The following UCHL3 variants were observed in gnomAD, a reference collection of about 807,000 sequenced individuals.
UCHL3 encodes ubiquitin carboxyl-terminal hydrolase isozyme L3.
A neutral mutation model predicts 35.8 loss-of-function variants in UCHL3; 22 were observed. That is an observed-to-expected ratio of 0.61 (90% CI 0.44 to 0.88). The LOEUF (loss-of-function observed/expected upper bound fraction) is 0.88, where lower values mean the gene tolerates loss of function less well. Among genes scored for constraint, UCHL3 ranks in the 40% least tolerant of loss-of-function variants. The pLI is 0.00. For missense variants in UCHL3, 229 were observed against 276.9 expected (o/e 0.83, Z 1.23); for synonymous variants, 90 against 92.8 (o/e 0.97, Z 0.17).
rs1214010942 is a variant in UCHL3 at position 75,592,441 on chromosome 13, T to C, written c.475-2474T>C. 1.9e-3 allele frequency among the ~76,000 whole-genome samples: 202 copies of C among 106,696 alleles called. 1 individual carries two copies. The highest frequency in any genetic ancestry group is 4.2e-3 in the South Asian group (14 of 3,300). 70.0% of individuals were successfully genotyped at this position (106,696 alleles called of 152,430 possible). ...ATATATATATATATATATATATATA[T>C]ATATATATATATATATATATATATA... is the stretch of plus-strand genomic sequence containing the variant. On this transcript the variant is annotated intron_variant, in intron 6 of 8. Transcript: ENST00000377595.
intron 6 of UCHL3, among the ~76,000 whole-genome samples, chr13:75,581,140 G>A (rs1348600642): frequency 2.6e-5 from 4 of 151,814 alleles, no homozygotes; most frequent in Non-Finnish European, 1.5e-5. Context: ...TTAGAAAACA[G>A]TAATTATTTT....
Position 75,595,489 on chromosome 13 carries a change from T to C in UCHL3, c.550+499T>C, listed in dbSNP as rs997050828. On this transcript the variant is annotated intron_variant, in intron 7 of 8. Transcript: ENST00000377595. ...GCACATGCCTGTAATCCCAGCTACT[T>C]GGGAGGCTGAGGCAGGAGAATCGCT... Among the ~76,000 whole-genome samples the C allele has an allele frequency of 1.2e-4, 17 of 145,448 alleles. No homozygotes were observed. In the Admixed American group the frequency reaches 1.2e-3, roughly 11 times the overall value.
At chr13:75,600,828 A>G (rs910227972) in intron 7 of UCHL3, among the ~76,000 whole-genome samples, 1 of 152,266 alleles carries the variant, frequency 6.6e-6, no homozygotes, top group Non-Finnish European at 1.5e-5. Context: ...TATAGCTGCC[A>G]CAGTGATTGC....
chr13:75,561,787 G>A (rs1468467916), intron 3 of UCHL3, among the ~76,000 whole-genome samples: 2 of 147,322 alleles, frequency 1.4e-5, no homozygotes, highest in African/African-American at 5.0e-5. Flanking sequence ...TTCTGTGTGT[G>A]TGTATATATG....
chr13:75,560,201 A>T (rs972475770), intron 2 of UCHL3, among the ~76,000 whole-genome samples: 1 of 152,168 alleles, frequency 6.6e-6, no homozygotes, highest in African/African-American at 2.4e-5. Flanking sequence ...AACCTCAGAC[A>T]TCATTTTTGG....
At chr13:75,566,633 AGACT>A in intron 3 of UCHL3, 58 bp from the exon 4 acceptor site, 1 of 1,074,672 alleles carries the variant, frequency 9.3e-7, no homozygotes, top group Admixed American at 3.8e-5. Context: ...TTTCTTTTAC[AGACT>A]GAGTTTTTTA....
At chr13:75,590,220 T>C in intron 6 of UCHL3, 1 of 1,200,688 alleles carries the variant, frequency 8.3e-7, no homozygotes, top group Non-Finnish European at 1.1e-6. Flanking sequence ...AGAGTGCTTT[T>C]CTCTTGGTTC....
At chr13:75,590,001 T>C in intron 6 of UCHL3, 1 of 1,304,860 alleles carries the variant, frequency 7.7e-7, no homozygotes, top group Non-Finnish European at 1.0e-6. Flanking sequence ...CTCATCATTG[T>C]GTCACCATGC....
intron 6 of UCHL3, among the ~76,000 whole-genome samples, chr13:75,569,981 C>A (rs568325528): frequency 6.6e-6 from 1 of 152,272 alleles, no homozygotes; most frequent in African/African-American, 2.4e-5. Flanking sequence ...GCTAGTTCAG[C>A]TGGGTTGCTT....
Position 75,560,734 on chromosome 13 carries a change from TC to T in UCHL3, c.55-18del. ...AACTAATGTTCCATTGTTTTTTTTT[TC>T]TTTCTTTCTTTTACCAGTTTCTTAA... On this transcript the variant is annotated intron_variant, in intron 2 of 8. Transcript: ENST00000377595. 1 of 1,579,894 alleles carries T rather than the reference TC, an allele frequency of 6.3e-7. No homozygotes were observed. The highest frequency in any genetic ancestry group is 1.4e-5 in the African/African-American group (1 of 72,726).
chr13:75,588,709 C>G (rs1016269397), intron 6 of UCHL3, among the ~76,000 whole-genome samples: 2 of 152,042 alleles, frequency 1.3e-5, no homozygotes, highest in African/African-American at 4.8e-5. Context: ...AAAAATCATT[C>G]GGAAAGTAAA....
intron 7 of UCHL3, among the ~76,000 whole-genome samples, chr13:75,601,134 T>C (rs552262388): frequency 2.6e-4 from 40 of 152,350 alleles, no homozygotes; most frequent in African/African-American, 9.1e-4. Flanking sequence ...AAGGAGTTGC[T>C]TCTTAAAGAT....
chr13:75,588,025 A>AT (rs564113097), intron 6 of UCHL3, among the ~76,000 whole-genome samples: 54 of 149,006 alleles, frequency 3.6e-4, no homozygotes, highest in Middle Eastern at 3.5e-3. Context: ...ATAAGTAATA[A>AT]TTTTTTTTTT....
chr13:75,592,414 T>TCA (rs1186849576), intron 6 of UCHL3, among the ~76,000 whole-genome samples: 1 of 18,140 alleles, frequency 5.5e-5, no homozygotes, highest in Non-Finnish European at 1.3e-4. Flanking sequence ...AATTTTTCCT[T>TCA]CATATATATA....
chr13:75,595,902 A>T (rs1424390521), intron 7 of UCHL3, among the ~76,000 whole-genome samples: 1 of 152,036 alleles, frequency 6.6e-6, no homozygotes, highest in African/African-American at 2.4e-5. Context: ...ATTGGTATAC[A>T]ATACTTATTA....
intron 3 of UCHL3, among the ~76,000 whole-genome samples, chr13:75,563,940 G>GTT (rs1555273470): frequency 6.6e-6 from 1 of 151,924 alleles, no homozygotes; most frequent in Non-Finnish European, 1.5e-5. Context: ...GTGTGTGTGT[G>GTT]TGTCTATATC....
intron 6 of UCHL3, among the ~76,000 whole-genome samples, chr13:75,574,680 C>T (rs567318630): frequency 2.0e-5 from 3 of 152,158 alleles, no homozygotes; most frequent in African/African-American, 4.8e-5. Flanking sequence ...AAATATTAGG[C>T]GGTAATTTTA....
chr13:75,594,590 G>GA (rs144098447), intron 6 of UCHL3, among the ~76,000 whole-genome samples: 77,579 of 151,558 alleles, frequency 0.51, 19,985 homozygotes, highest in East Asian at 0.63. Context: ...ATTTCATTCA[G>GA]TAAGTATGCA....
rs145662254 is a variant in UCHL3, at chr13:75,602,285, G to A, written c.551-2484G>A. Reference sequence around the variant, plus strand: ...AGCATCTCGTGATGTTTGTCATGTCGCTTGTCTCTTGTACAACTCTGTTGT... The same window carrying A: ...AGCATCTCGTGATGTTTGTCATGTCACTTGTCTCTTGTACAACTCTGTTGT... On this transcript the variant is annotated intron_variant, in intron 7 of 8. Transcript: ENST00000377595. Among the ~76,000 whole-genome samples, 208 of 152,202 alleles carry A rather than the reference G, an allele frequency of 1.4e-3. 1 individual carries two copies. Among genetic ancestry groups the A allele is most frequent in the African/African-American group, 4.6e-3 (191 of 41,542 alleles).
Sources: gnomAD v4.1 joint callset for allele counts (sites outside exome capture counted in the v4.1 genomes callset) on GRCh38, gnomAD v4.1.1 for gene constraint, MANE v1.5 for transcripts, NCBI Gene and HGNC (gene_info 2026-07-23, HGNC 2026-07-21) for gene names.